EHBP1: variants seen among roughly 807,000 people sequenced by gnomAD.
EHBP1 encodes the protein EH domain binding protein 1, also known as EH domain-binding protein 1.
A neutral mutation model predicts 144.0 loss-of-function variants in EHBP1; 55 were observed. That is an observed-to-expected ratio of 0.38 (90% CI 0.31 to 0.48). The LOEUF (loss-of-function observed/expected upper bound fraction) is 0.48, where lower values mean the gene tolerates loss of function less well. EHBP1 is among the 20% of genes least tolerant of loss of function. The probability of loss-of-function intolerance (pLI) is 0.98; values close to 1 mark genes in which losing one functional copy is unlikely to be tolerated. For missense variants in EHBP1, 1,200 were observed against 1,364.2 expected, an observed-to-expected ratio of 0.88 and a Z score of 1.90; for synonymous variants, 469 against 472.7, an observed-to-expected ratio of 0.99 and a Z score of 0.10.
intron 18 of EHBP1, among the ~76,000 whole-genome samples, chr2:62,995,249 T>C (rs895143831): frequency 1.3e-5 from 2 of 152,094 alleles, no homozygotes; most frequent in African/African-American, 4.8e-5. Flanking sequence ...ATAAATTTTT[T>C]AAAAATACAG....
intron 14 of EHBP1, among the ~76,000 whole-genome samples, chr2:62,966,766 T>C (rs935365386): frequency 6.6e-6 from 1 of 152,222 alleles, no homozygotes; most frequent in African/African-American, 2.4e-5. Flanking sequence ...TAAATTTAAA[T>C]GATATAATAT....
At chr2:62,736,794 A>AATT (rs2038179229) in intron 2 of EHBP1, among the ~76,000 whole-genome samples, 1 of 152,168 alleles carries the variant, frequency 6.6e-6, no homozygotes, top group Non-Finnish European at 1.5e-5. Flanking sequence ...TAGCTGTTTA[A>AATT]ATTACTGGTC....
At chr2:63,022,119 T>G (rs1365185907) in intron 19 of EHBP1, among the ~76,000 whole-genome samples, 1 of 152,136 alleles carries the variant, frequency 6.6e-6, no homozygotes, top group Non-Finnish European at 1.5e-5. Context: ...AACAACTGGA[T>G]GCATTACTGA....
chr2:62,740,252 A>G (rs546261426), intron 2 of EHBP1, among the ~76,000 whole-genome samples: 91 of 152,302 alleles, frequency 6.0e-4, no homozygotes, highest in African/African-American at 1.9e-3. Context: ...TAACTGACAA[A>G]GATGTTTTGC....
intron 2 of EHBP1, chr2:62,726,612 T>C (rs775648358): frequency 6.6e-6 from 1 of 152,204 alleles, no homozygotes; most frequent in African/African-American, 2.4e-5. Context: ...TAGTATTCAG[T>C]ATGGTTTTGT....
chr2:62,767,993 C>T (rs1447915985), intron 4 of EHBP1, among the ~76,000 whole-genome samples: 5 of 152,052 alleles, frequency 3.3e-5, no homozygotes, highest in Admixed American at 2.0e-4. Context: ...AACGATGCAA[C>T]AGACCAGAAT....
chr2:62,931,401 A>C (rs1476562114), intron 10 of EHBP1, among the ~76,000 whole-genome samples: 3 of 152,188 alleles, frequency 2.0e-5, no homozygotes, highest in Admixed American at 6.5e-5. Context: ...ATTGGTGAGG[A>C]TGTAGAAGAA....
At chr2:62,979,372 C>G (rs879779109) in intron 15 of EHBP1, 37 bp downstream of exon 15, 2 of 1,599,568 alleles carry the variant, frequency 1.3e-6, no homozygotes, top group Non-Finnish European at 1.7e-6. Flanking sequence ...TACAGACAAC[C>G]CAGAAATCCA....
intron 10 of EHBP1, among the ~76,000 whole-genome samples, chr2:62,917,342 A>G (rs1161807067): frequency 6.6e-6 from 1 of 152,202 alleles, no homozygotes; most frequent in Non-Finnish European, 1.5e-5. Context: ...CAGTAAAAAT[A>G]CAGTATTGCA....
intron 1 of EHBP1, among the ~76,000 whole-genome samples, chr2:62,698,052 C>G (rs571193707): frequency 6.6e-6 from 1 of 152,294 alleles, no homozygotes; most frequent in Admixed American, 6.5e-5. Flanking sequence ...TAATTGTTAT[C>G]TTGTTCAGCT....
intron 3 of EHBP1, among the ~76,000 whole-genome samples, chr2:62,749,713 T>G (rs1338275776): frequency 3.9e-5 from 6 of 152,320 alleles, no homozygotes; most frequent in Non-Finnish European, 4.4e-5. Flanking sequence ...TGGTTTTGAT[T>G]TGCATTTCTC....
intron 5 of EHBP1, among the ~76,000 whole-genome samples, chr2:62,790,360 A>G (rs2043092269): frequency 6.6e-6 from 1 of 152,158 alleles, no homozygotes; most frequent in Non-Finnish European, 1.5e-5. Flanking sequence ...AAAAGCACAC[A>G]TTTGAAAGGA....
At chr2:63,033,308 G>A (rs1407256159) in intron 19 of EHBP1, among the ~76,000 whole-genome samples, 1 of 151,918 alleles carries the variant, frequency 6.6e-6, no homozygotes, top group Non-Finnish European at 1.5e-5. Context: ...TTGTTTTTGT[G>A]TTTGGTTTAG....
chr2:63,024,893 G>C (rs1461451725), intron 19 of EHBP1, among the ~76,000 whole-genome samples: 3 of 151,920 alleles, frequency 2.0e-5, no homozygotes, highest in Admixed American at 2.0e-4. Context: ...CTACTCAGGA[G>C]GCTGAGGCAG....
intron 10 of EHBP1, among the ~76,000 whole-genome samples, chr2:62,899,269 G>C (rs1331762241): frequency 6.6e-6 from 1 of 152,168 alleles, no homozygotes; most frequent in Non-Finnish European, 1.5e-5. Context: ...ACTGAGCCTT[G>C]GAGTAGAACA....
At chr2:62,932,330 A>C (rs530327653) in intron 10 of EHBP1, among the ~76,000 whole-genome samples, 1 of 152,192 alleles carries the variant, frequency 6.6e-6, no homozygotes, top group Non-Finnish European at 1.5e-5. Context: ...CCAAATGTCC[A>C]TTGATGAATG....
At chr2:62,925,579 G>A (rs569668373) in intron 10 of EHBP1, among the ~76,000 whole-genome samples, 77 of 152,190 alleles carry the variant, frequency 5.1e-4, no homozygotes, top group Non-Finnish European at 9.4e-4. Flanking sequence ...CAGTAAAGTT[G>A]CAGGATACAA....
chr2:62,855,745 C>T (rs774556666), intron 7 of EHBP1, among the ~76,000 whole-genome samples: 4 of 152,106 alleles, frequency 2.6e-5, no homozygotes, highest in Non-Finnish European at 5.9e-5. Context: ...TACTTGCCTG[C>T]AGAGAGAAGC....
At chr2:62,810,371 GGCTT>G (rs2044888972) in intron 5 of EHBP1, among the ~76,000 whole-genome samples, 1 of 152,216 alleles carries the variant, frequency 6.6e-6, no homozygotes, top group African/African-American at 2.4e-5. Flanking sequence ...CGGATGATGA[GGCTT>G]GCTTGAATTT....
Sources: allele counts gnomAD v4.1 joint callset (sites outside exome capture counted in the v4.1 genomes callset), GRCh38; gene constraint gnomAD v4.1.1; transcripts MANE v1.5; gene names NCBI Gene and HGNC (gene_info 2026-07-23, HGNC 2026-07-21).